The following NRXN3 variants were observed in gnomAD, a reference collection of about 807,000 sequenced individuals.
NRXN3 encodes the protein neurexin 3, also known as neurexin III.
A neutral mutation model predicts 137.6 loss-of-function variants in NRXN3; 32 were observed. The ratio of observed to expected loss-of-function variants is 0.23; its 90% CI spans 0.18 to 0.31. The LOEUF (loss-of-function observed/expected upper bound fraction) is 0.31, where lower values mean the gene tolerates loss of function less well. Ranked by LOEUF, NRXN3 falls within the 10% of genes least tolerant of loss-of-function variation. The pLI is 1.00. For synonymous variants in NRXN3, 798 were observed against 784.5 expected (o/e 1.02, Z -0.29); for missense variants, 1,574 against 2,062.5 (o/e 0.76, Z 4.59).
chr14:78,562,082 C>T (rs991712049), intron 4 of NRXN3, among the ~76,000 whole-genome samples: 3 of 152,014 alleles, frequency 2.0e-5, no homozygotes, highest in Non-Finnish European at 2.9e-5. Context: ...ATGATGGCTT[C>T]GATCAATAAA....
chr14:78,853,065 T>C (rs1206378865), intron 10 of NRXN3, among the ~76,000 whole-genome samples: 4 of 151,930 alleles, frequency 2.6e-5, no homozygotes, highest in Admixed American at 1.3e-4. Flanking sequence ...ACATGTATCA[T>C]ACGGTTTTTT....
At chr14:79,531,119 A>G (rs2097166046) in intron 16 of NRXN3, among the ~76,000 whole-genome samples, 1 of 152,190 alleles carries the variant, frequency 6.6e-6, no homozygotes, top group Non-Finnish European at 1.5e-5. Context: ...TACCAGCTTA[A>G]TTAGCTGTAC....
intron 15 of NRXN3, among the ~76,000 whole-genome samples, chr14:79,144,719 T>A (rs2059133368): frequency 6.6e-6 from 1 of 152,198 alleles, no homozygotes; most frequent in African/African-American, 2.4e-5. Flanking sequence ...TCTAATGACT[T>A]CACGTTTATC....
At chr14:79,410,486 A>G (rs1176595045) in intron 15 of NRXN3, among the ~76,000 whole-genome samples, 1 of 150,926 alleles carries the variant, frequency 6.6e-6, no homozygotes, top group African/African-American at 2.4e-5. Context: ...TTTCAGATCT[A>G]CTAGAGAACT....
intron 16 of NRXN3, among the ~76,000 whole-genome samples, chr14:79,626,411 T>C (rs950759757): frequency 1.1e-4 from 17 of 150,068 alleles, no homozygotes; most frequent in African/African-American, 4.2e-4. Context: ...CATTTTCTTT[T>C]TTTTTTTTTA....
At position 78,233,643 on chromosome 14, in the gene NRXN3, G is replaced by A. The variant is rs150390497; in HGVS notation, c.-703-8748G>A. 3.7e-3 allele frequency among the ~76,000 whole-genome samples: 517 copies of A among 140,658 alleles called. 1 individual carries two copies. Among genetic ancestry groups the A allele is most frequent in the African/African-American group, 0.013 (497 of 37,060 alleles). The allele number at this position is 140,658 out of a possible 152,430, so 92.3% of individuals were successfully genotyped here. ...ACTAGACAAAATTCTATCCTGGAGG[G>A]CAATAGAGAAACCGTGGGATCTTTT... On this transcript the variant is annotated intron_variant, in intron 1 of 20. Transcript: ENST00000335750.
intron 8 of NRXN3, among the ~76,000 whole-genome samples, chr14:78,792,400 G>A (rs1022242823): frequency 5.3e-5 from 8 of 151,586 alleles, no homozygotes; most frequent in Admixed American, 4.6e-4. Flanking sequence ...TGAAGATATC[G>A]CAGTTAATGC....
intron 15 of NRXN3, among the ~76,000 whole-genome samples, chr14:79,046,714 C>G (rs1334062076): frequency 6.6e-6 from 1 of 152,082 alleles, no homozygotes; most frequent in Non-Finnish European, 1.5e-5. Context: ...ATATCCTCCT[C>G]TATAAAAACC....
intron 4 of NRXN3, among the ~76,000 whole-genome samples, chr14:78,642,232 A>G (rs1250789079): frequency 6.6e-6 from 1 of 152,186 alleles, no homozygotes; most frequent in African/African-American, 2.4e-5. Context: ...GAGTACCACA[A>G]ACTAACTGTG....
At chr14:78,600,711 C>T (rs890239359) in intron 4 of NRXN3, among the ~76,000 whole-genome samples, 1 of 152,242 alleles carries the variant, frequency 6.6e-6, no homozygotes, top group South Asian at 2.1e-4. Flanking sequence ...CCCTCCAGGG[C>T]TCTGGACATG....
chr14:78,702,377 GTTA>G (rs1212241407), intron 6 of NRXN3, among the ~76,000 whole-genome samples: 1 of 149,762 alleles, frequency 6.7e-6, no homozygotes, highest in Non-Finnish European at 1.5e-5. Flanking sequence ...TTTTTCTTTT[GTTA>G]TAGCCCTGCC....
intron 8 of NRXN3, chr14:78,744,885 C>T (rs1162521678): frequency 2.0e-5 from 3 of 152,210 alleles, no homozygotes; most frequent in Non-Finnish European, 4.4e-5. Flanking sequence ...ACTGGGTCAC[C>T]TTACCATGAT....
At chr14:79,026,910 C>A (rs2099598825) in intron 15 of NRXN3, among the ~76,000 whole-genome samples, 1 of 117,260 alleles carries the variant, frequency 8.5e-6, no homozygotes, top group Non-Finnish European at 1.8e-5. Context: ...CATGCGTGAT[C>A]CCAGAAAAAA....
chr14:78,402,151 A>T (rs76455222), intron 4 of NRXN3, among the ~76,000 whole-genome samples: 2 of 152,236 alleles, frequency 1.3e-5, no homozygotes. Context: ...TATTGAAAAA[A>T]TGAGGAAAAT....
chr14:79,711,843 T>C (rs186002191), intron 19 of NRXN3, among the ~76,000 whole-genome samples: 101 of 152,258 alleles, frequency 6.6e-4, no homozygotes, highest in African/African-American at 2.3e-3. Flanking sequence ...ATCCAATTAA[T>C]GATGGATGAT....
At chr14:79,787,795 T>A (rs2099133808) in intron 19 of NRXN3, among the ~76,000 whole-genome samples, 1 of 151,986 alleles carries the variant, frequency 6.6e-6, no homozygotes, top group Admixed American at 6.6e-5. Context: ...TTTAAAAAAT[T>A]TTATTCATCC....
chr14:78,778,780 C>A (rs1434968990), intron 8 of NRXN3, among the ~76,000 whole-genome samples: 4 of 116,796 alleles, frequency 3.4e-5, no homozygotes, highest in African/African-American at 7.1e-5. Context: ...TTCTTTCTTT[C>A]TTTCTTTCTT....
chr14:78,234,455 A>G (rs1201540860), intron 1 of NRXN3, among the ~76,000 whole-genome samples: 1 of 152,244 alleles, frequency 6.6e-6, no homozygotes, highest in African/African-American at 2.4e-5. Context: ...GGAGGCATGG[A>G]GTGGATAAGT....
Position 78,815,673 on chromosome 14 carries a change from C to T in NRXN3, c.2275+5329C>T, listed in dbSNP as rs544187588. Among the ~76,000 whole-genome samples the T allele has an allele frequency of 7.5e-4, 114 of 151,930 alleles. 1 individual carries two copies. The Middle Eastern group carries it at 0.014, about 18-fold the overall frequency. On this transcript the variant is annotated intron_variant, in intron 10 of 20. Transcript: ENST00000335750. ...CTTCTCTTTCTTTTACTCTGTCTTT[C>T]CTCTCCATGGTACAAGAATATGTTA... is the stretch of plus-strand genomic sequence containing the variant.
Sources: gnomAD v4.1 joint callset for allele counts (sites outside exome capture counted in the v4.1 genomes callset) on GRCh38, gnomAD v4.1.1 for gene constraint, MANE v1.5 for transcripts, NCBI Gene and HGNC (gene_info 2026-07-23, HGNC 2026-07-21) for gene names.